Variants in RGS7 observed in about 807,000 individuals in gnomAD.
The protein encoded by RGS7 is regulator of G protein signaling 7, also known as regulator of G-protein signaling 7.
A neutral mutation model predicts 81.1 loss-of-function variants in RGS7; 27 were observed. That is an observed-to-expected ratio of 0.33 (90% CI 0.25 to 0.46). The LOEUF is 0.46. Among genes scored for constraint, RGS7 ranks in the 20% least tolerant of loss-of-function variants. The pLI is 1.00. For synonymous variants in RGS7, 208 were observed against 207.7 expected, an observed-to-expected ratio of 1.00 and a Z score of -0.01; for missense variants, 396 against 607.4, an observed-to-expected ratio of 0.65 and a Z score of 3.66.
intron 2 of RGS7, among the ~76,000 whole-genome samples, chr1:241,327,669 G>A (rs1325989383): frequency 6.6e-6 from 1 of 152,018 alleles, no homozygotes; most frequent in Non-Finnish European, 1.5e-5. Flanking sequence ...TTTTCATGGT[G>A]GAAAGAAAAG....
At chr1:240,962,531 G>C (rs758225693) in intron 4 of RGS7, among the ~76,000 whole-genome samples, 10 of 152,168 alleles carry the variant, frequency 6.6e-5, no homozygotes, top group Non-Finnish European at 1.0e-4. Flanking sequence ...CAAGGTGCCA[G>C]CTCTGTCTAT....
intron 2 of RGS7, among the ~76,000 whole-genome samples, chr1:241,225,976 A>C (rs1465773938): frequency 6.6e-6 from 1 of 152,184 alleles, no homozygotes; most frequent in African/African-American, 2.4e-5. Context: ...TGACATTTTC[A>C]ACACCACTTG....
intron 2 of RGS7, among the ~76,000 whole-genome samples, chr1:241,217,063 C>T (rs993653721): frequency 3.9e-5 from 6 of 152,176 alleles, no homozygotes; most frequent in Admixed American, 3.9e-4. Flanking sequence ...GTTCTAACCT[C>T]CAGTGTGGCT....
At chr1:240,858,920 G>C (rs1405597703) in intron 9 of RGS7, among the ~76,000 whole-genome samples, 4 of 152,064 alleles carry the variant, frequency 2.6e-5, no homozygotes, top group African/African-American at 9.7e-5. Context: ...TTGCATCTTT[G>C]TTCATGAGAG....
intron 2 of RGS7, among the ~76,000 whole-genome samples, chr1:241,328,991 A>G (rs1464712737): frequency 6.6e-6 from 1 of 152,198 alleles, no homozygotes; most frequent in Non-Finnish European, 1.5e-5. Flanking sequence ...ATTACCACTC[A>G]CCGTCACAAA....
At chr1:241,217,110 GT>G (rs2074611907) in intron 2 of RGS7, among the ~76,000 whole-genome samples, 1 of 152,158 alleles carries the variant, frequency 6.6e-6, no homozygotes, top group South Asian at 2.1e-4. Flanking sequence ...AGTAATGGAG[GT>G]TAAATGAGGT....
chr1:240,886,416 A>G (rs1260066389), intron 6 of RGS7, among the ~76,000 whole-genome samples: 3 of 152,226 alleles, frequency 2.0e-5, no homozygotes, highest in Non-Finnish European at 4.4e-5. Flanking sequence ...TTATTCGTTG[A>G]ATATTTTGGT....
At chr1:240,777,161 G>A (rs1683088770) in intron 18 of RGS7, among the ~76,000 whole-genome samples, 1 of 152,144 alleles carries the variant, frequency 6.6e-6, no homozygotes, top group South Asian at 2.1e-4. Context: ...CAGGCGTGGT[G>A]GCGGGCACCT....
At chr1:240,811,799 G>A (rs1436683718) in intron 14 of RGS7, 119 bp downstream of exon 14, 1 of 937,776 alleles carries the variant, frequency 1.1e-6, no homozygotes, top group East Asian at 2.4e-5. Context: ...GAAATTCAAT[G>A]GGTTCATGAC....
intron 6 of RGS7, among the ~76,000 whole-genome samples, chr1:240,905,189 A>C (rs923447301): frequency 6.6e-6 from 1 of 152,108 alleles, no homozygotes; most frequent in Admixed American, 6.6e-5. Context: ...GGTGCTTGCC[A>C]TATTTTTTTA....
intron 4 of RGS7, among the ~76,000 whole-genome samples, chr1:240,967,109 G>A (rs376035231): frequency 2.0e-5 from 3 of 152,164 alleles, no homozygotes; most frequent in East Asian, 3.9e-4. Context: ...CTGTCAACAG[G>A]GGTGGTGTTT....
At chr1:240,826,391 C>T (rs957058758) in intron 10 of RGS7, among the ~76,000 whole-genome samples, 8 of 152,100 alleles carry the variant, frequency 5.3e-5, no homozygotes, top group Admixed American at 2.6e-4. Context: ...GACACAGACT[C>T]TGGAAAACAC....
intron 3 of RGS7, among the ~76,000 whole-genome samples, chr1:241,026,234 T>C (rs901912036): frequency 1.3e-5 from 2 of 152,232 alleles, no homozygotes; most frequent in Non-Finnish European, 1.5e-5. Flanking sequence ...GTAACATTTG[T>C]TGACTGAATA....
intron 16 of RGS7, among the ~76,000 whole-genome samples, chr1:240,802,630 ACAG>A (rs1203115353): frequency 6.6e-6 from 1 of 152,182 alleles, no homozygotes; most frequent in African/African-American, 2.4e-5. Flanking sequence ...AACTAGGCAT[ACAG>A]AAGACTAACA....
At chr1:240,857,737 T>C (rs1558363816) in intron 9 of RGS7, among the ~76,000 whole-genome samples, 1 of 152,262 alleles carries the variant, frequency 6.6e-6, no homozygotes, top group African/African-American at 2.4e-5. Flanking sequence ...TGAAAAACAT[T>C]CTGATATGGT....
At chr1:241,162,222 G>GCCCCCGCCCCCCCC (rs68166816) in intron 2 of RGS7, among the ~76,000 whole-genome samples, 6 of 142,150 alleles carry the variant, frequency 4.2e-5, no homozygotes, top group African/African-American at 1.6e-4. Context: ...CTGGTGATCA[G>GCCCCCGCCCCCCCC]CTTCCAAATA....
chr1:240,937,272 C>T lies in RGS7; in HGVS notation c.227-566G>A, dbSNP rs533904259. Among the ~76,000 whole-genome samples the T allele has an allele frequency of 2.6e-5, 4 of 152,186 alleles. No homozygotes were observed. The South Asian group carries it at 8.3e-4, about 32-fold the overall frequency. ...TGTGCTCTCGCAGTGGCCAGAAGTG[C>T]GAGTGGCACCCTTCTGCAGAAGTAA... On this transcript the variant is annotated intron_variant, in intron 4 of 18. Transcript: ENST00000440928.
At chr1:240,787,893 A>G (rs1685333964) in intron 18 of RGS7, among the ~76,000 whole-genome samples, 1 of 152,202 alleles carries the variant, frequency 6.6e-6, no homozygotes, top group East Asian at 1.9e-4. Flanking sequence ...ATGACATTAC[A>G]TGTTGCTCTG....
At chr1:240,944,758 G>A (rs975868718) in intron 4 of RGS7, among the ~76,000 whole-genome samples, 6 of 152,162 alleles carry the variant, frequency 3.9e-5, no homozygotes, top group Admixed American at 3.9e-4. Context: ...TTTGTCACCA[G>A]TCTGGAGTGC....
Sources: gnomAD v4.1 joint callset for allele counts (sites outside exome capture counted in the v4.1 genomes callset) on GRCh38, gnomAD v4.1.1 for gene constraint, MANE v1.5 for transcripts, NCBI Gene and HGNC (gene_info 2026-07-23, HGNC 2026-07-21) for gene names.